Variants in LINGO2 observed in about 807,000 individuals in gnomAD.
LINGO2 encodes the protein leucine-rich repeat and immunoglobulin-like domain-containing nogo receptor-interacting protein 2.
In LINGO2, 14 loss-of-function variants were observed where a neutral mutation model predicts 30.6. That is an observed-to-expected ratio of 0.46 (90% CI 0.30 to 0.72). The LOEUF (loss-of-function observed/expected upper bound fraction) is 0.72. Among genes scored for constraint, LINGO2 ranks in the 30% least tolerant of loss-of-function variants. The pLI, the probability that LINGO2 is intolerant of heterozygous loss-of-function variation, is 0.07. For synonymous variants in LINGO2, 317 were observed against 288.5 expected (o/e 1.10, Z -1.00); for missense variants, 729 against 751.7 (o/e 0.97, Z 0.35).
the LINGO2 span, among the ~76,000 whole-genome samples, chr9:28,711,376 C>T: frequency 6.6e-6 from 1 of 151,982 alleles, no homozygotes; most frequent in East Asian, 1.9e-4. Flanking sequence ...TAACACCACT[C>T]AAGAACTGTG....
intron 1 of LINGO2, among the ~76,000 whole-genome samples, chr9:28,634,514 T>A (rs1177590646): frequency 6.7e-6 from 1 of 148,698 alleles, no homozygotes; most frequent in African/African-American, 2.5e-5. Context: ...GAAATGGAGT[T>A]TCACTCTGTA....
intron 1 of LINGO2, among the ~76,000 whole-genome samples, chr9:28,502,719 C>T (rs1216348986): frequency 1.3e-5 from 2 of 151,960 alleles, no homozygotes; most frequent in African/African-American, 4.8e-5. Context: ...AAGAATAATG[C>T]CACTCAGCTC....
chr9:28,008,528 ATC>A (rs150761270), intron 5 of LINGO2, among the ~76,000 whole-genome samples: 2 of 152,016 alleles, frequency 1.3e-5, no homozygotes, highest in African/African-American at 4.8e-5. Flanking sequence ...AGAATTAAAA[ATC>A]TCTCTTTGTT....
intron 3 of LINGO2, among the ~76,000 whole-genome samples, chr9:28,334,821 T>C (rs938210385): frequency 1.3e-5 from 2 of 152,114 alleles, no homozygotes; most frequent in Admixed American, 1.3e-4. Flanking sequence ...GGCATTGTGA[T>C]TGTATTCAGA....
At chr9:28,637,051 T>C (rs1052480636) in intron 1 of LINGO2, among the ~76,000 whole-genome samples, 22 of 152,186 alleles carry the variant, frequency 1.4e-4, no homozygotes, top group Admixed American at 7.9e-4. Flanking sequence ...GCTAGCCAGT[T>C]TTCCCAGCAC....
intron 1 of LINGO2, among the ~76,000 whole-genome samples, chr9:28,521,720 T>C (rs930542699): frequency 1.3e-5 from 2 of 152,206 alleles, no homozygotes; most frequent in Non-Finnish European, 2.9e-5. Context: ...CCTGGGAATG[T>C]GACCTTATTT....
chr9:28,067,148 G>A (rs1825337392), intron 4 of LINGO2, among the ~76,000 whole-genome samples: 1 of 151,994 alleles, frequency 6.6e-6, no homozygotes, highest in African/African-American at 2.4e-5. Context: ...ATATTTACAA[G>A]CACAAAATAT....
At chr9:29,182,416 A>T in the LINGO2 span, among the ~76,000 whole-genome samples, 2 of 152,188 alleles carry the variant, frequency 1.3e-5, no homozygotes, top group African/African-American at 4.8e-5. Flanking sequence ...GCCTAGAACA[A>T]AGCTTGAGTT....
intron 4 of LINGO2, among the ~76,000 whole-genome samples, chr9:28,252,936 A>T (rs1822256130): frequency 1.3e-5 from 2 of 152,056 alleles, no homozygotes; most frequent in Non-Finnish European, 2.9e-5. Flanking sequence ...ATTTCTCTAC[A>T]CTTAAAAAAT....
chr9:28,722,115 CTTAA>C, the LINGO2 span, among the ~76,000 whole-genome samples: 3 of 151,958 alleles, frequency 2.0e-5, no homozygotes, highest in East Asian at 1.9e-4. Context: ...CATTTTCTGC[CTTAA>C]TTGAGATTAT....
At chr9:28,447,457 C>A (rs970808558) in intron 2 of LINGO2, among the ~76,000 whole-genome samples, 3 of 152,164 alleles carry the variant, frequency 2.0e-5, no homozygotes, top group African/African-American at 7.2e-5. Context: ...TTGGACTTCC[C>A]AGTTTCTAGA....
intron 4 of LINGO2, among the ~76,000 whole-genome samples, chr9:28,128,883 A>G (rs957734312): frequency 6.6e-6 from 1 of 152,126 alleles, no homozygotes; most frequent in African/African-American, 2.4e-5. Flanking sequence ...GAGTCAGTGG[A>G]CTGGGAAAGG....
intron 1 of LINGO2, among the ~76,000 whole-genome samples, chr9:28,576,528 C>T (rs527412426): frequency 2.0e-5 from 3 of 152,138 alleles, no homozygotes; most frequent in Non-Finnish European, 2.9e-5. Flanking sequence ...GCAGATATTC[C>T]GGAATAACTG....
intron 1 of LINGO2, among the ~76,000 whole-genome samples, chr9:28,668,204 G>A (rs1828875959): frequency 6.6e-6 from 1 of 152,038 alleles, no homozygotes; most frequent in Non-Finnish European, 1.5e-5. Flanking sequence ...AGTACCCGAG[G>A]TGGAGTGGTA....
intron 3 of LINGO2, among the ~76,000 whole-genome samples, chr9:28,371,262 A>G (rs1820884685): frequency 2.0e-5 from 3 of 152,224 alleles, no homozygotes; most frequent in African/African-American, 7.2e-5. Flanking sequence ...TTAAACTTTT[A>G]TAACGAGAAC....
chr9:28,416,472 T>C (rs1335657778), intron 2 of LINGO2, among the ~76,000 whole-genome samples: 1 of 151,410 alleles, frequency 6.6e-6, no homozygotes, highest in East Asian at 2.0e-4. Flanking sequence ...TCACTTAAAA[T>C]AGATTTTTAA....
chr9:28,782,832 G>A, the LINGO2 span, among the ~76,000 whole-genome samples: 1 of 152,092 alleles, frequency 6.6e-6, no homozygotes, highest in Non-Finnish European at 1.5e-5. Context: ...AAGTTGTTAG[G>A]CAATTTCATC....
chr9:28,170,606 A>G lies in LINGO2; in HGVS notation c.-87+124602T>C, dbSNP rs562748141. ...TATCACATATTTAATGGCTTAAAAC[A>G]GAACAAATTTATTATAGCTGTGGAG... On this transcript the variant is annotated intron_variant, in intron 4 of 5. Transcript: ENST00000379992. Among the ~76,000 whole-genome samples the G allele has an allele frequency of 2.6e-5, 4 of 152,312 alleles. No homozygotes were observed. In the East Asian group the frequency reaches 7.7e-4, roughly 29 times the overall value.
chr9:28,821,172 G>GT, the LINGO2 span, among the ~76,000 whole-genome samples: 31,928 of 152,124 alleles, frequency 0.21, 3,854 homozygotes, highest in East Asian at 0.33. Context: ...TGCGAACAAA[G>GT]TGAGCATCAC....
Sources: gnomAD v4.1 joint callset for allele counts (sites outside exome capture counted in the v4.1 genomes callset) on GRCh38, gnomAD v4.1.1 for gene constraint, MANE v1.5 for transcripts, NCBI Gene and HGNC (gene_info 2026-07-23, HGNC 2026-07-21) for gene names.